The following PDE3B variants were observed in gnomAD, a reference collection of about 807,000 sequenced individuals.
PDE3B encodes the protein phosphodiesterase 3B.
PDE3B carries 66 observed loss-of-function variants against 116.8 expected under a neutral mutation model. The ratio of observed to expected loss-of-function variants is 0.56; its 90% CI spans 0.46 to 0.69. PDE3B has a LOEUF of 0.69. PDE3B is among the 30% of genes least tolerant of loss of function. The probability of loss-of-function intolerance (pLI) is 0.00; values close to 1 mark genes in which losing one functional copy is unlikely to be tolerated. For synonymous variants in PDE3B, 595 were observed against 533.6 expected, an observed-to-expected ratio of 1.12 and a Z score of -1.59; for missense variants, 1,384 against 1,368.1, an observed-to-expected ratio of 1.01 and a Z score of -0.18.
chr11:14,897,890 CT>C, the PDE3B span, among the ~76,000 whole-genome samples: 1 of 152,272 alleles, frequency 6.6e-6, no homozygotes, highest in South Asian at 2.1e-4. Flanking sequence ...GTTTATGCTT[CT>C]TATCACCTAG....
chr11:14,721,855 G>T (rs1394141604), intron 1 of PDE3B, among the ~76,000 whole-genome samples: 6 of 129,190 alleles, frequency 4.6e-5, no homozygotes, highest in Admixed American at 8.1e-5. Context: ...CAGCACACCA[G>T]CATGGCACAT....
chr11:14,881,454 G>A, the PDE3B span, among the ~76,000 whole-genome samples: 1 of 152,022 alleles, frequency 6.6e-6, no homozygotes, highest in South Asian at 2.1e-4. Context: ...AACATCTTCA[G>A]TGCACATATT....
chr11:14,779,336 C>T (rs183320684), intron 2 of PDE3B, among the ~76,000 whole-genome samples: 12 of 152,120 alleles, frequency 7.9e-5, no homozygotes, highest in African/African-American at 2.2e-4. Context: ...AGATACTCCT[C>T]GAGAAGAGCA....
At chr11:14,722,817 A>G (rs970935741) in intron 1 of PDE3B, among the ~76,000 whole-genome samples, 3 of 152,192 alleles carry the variant, frequency 2.0e-5, no homozygotes, top group African/African-American at 7.2e-5. Context: ...TGTTGTTTTA[A>G]GCTGCTTAGT....
At chr11:14,752,922 A>C (rs1857092511) in intron 1 of PDE3B, among the ~76,000 whole-genome samples, 1 of 151,646 alleles carries the variant, frequency 6.6e-6, no homozygotes, top group Non-Finnish European at 1.5e-5. Flanking sequence ...TAAACTATCT[A>C]CTGTTTGCTC....
chr11:14,740,619 T>C (rs1856741469), intron 1 of PDE3B, among the ~76,000 whole-genome samples: 1 of 152,240 alleles, frequency 6.6e-6, no homozygotes, highest in African/African-American at 2.4e-5. Flanking sequence ...TGCTCTGATC[T>C]TAGTTATTTC....
chr11:14,785,974 T>C (rs1024855182), intron 2 of PDE3B, among the ~76,000 whole-genome samples: 1 of 152,114 alleles, frequency 6.6e-6, no homozygotes, highest in South Asian at 2.1e-4. Context: ...ATTACTATCC[T>C]GATTTTACAT....
intron 1 of PDE3B, among the ~76,000 whole-genome samples, chr11:14,672,239 T>G (rs1565085191): frequency 6.6e-6 from 1 of 151,892 alleles, no homozygotes; most frequent in Non-Finnish European, 1.5e-5. Context: ...ATTTTGCACT[T>G]AATGCATTGC....
chr11:14,645,773 G>GT lies in PDE3B; in HGVS notation c.978+730dup, dbSNP rs538476712. Among the ~76,000 whole-genome samples the GT allele has an allele frequency of 3.6e-3, 528 of 145,526 alleles. 1 individual carries two copies. The highest frequency in any genetic ancestry group is 7.0e-3 in the Middle Eastern group (2 of 284). ...TTTCACCATAGGTTTACATATTTTT[G>GT]TTTTTTTTTTAAAAGGGATTGAAAT... is the stretch of plus-strand genomic sequence containing the variant. On this transcript the variant is annotated intron_variant, in intron 1 of 15. Coordinates refer to ENST00000282096, the MANE Select transcript of PDE3B (RefSeq NM_000922.4).
intron 1 of PDE3B, among the ~76,000 whole-genome samples, chr11:14,770,725 G>T (rs1443732038): frequency 6.6e-6 from 1 of 151,570 alleles, no homozygotes; most frequent in Non-Finnish European, 1.5e-5. Flanking sequence ...ATTGTACTGT[G>T]TCTGAATTTT....
intron 2 of PDE3B, among the ~76,000 whole-genome samples, chr11:14,785,604 G>T (rs1475563830): frequency 1.3e-5 from 2 of 151,976 alleles, no homozygotes; most frequent in African/African-American, 4.8e-5. Context: ...CTGATTACTA[G>T]TCCATTTATT....
chr11:14,775,501 C>T (rs1857759478), intron 2 of PDE3B: 2 of 152,128 alleles, frequency 1.3e-5, no homozygotes, highest in African/African-American at 2.4e-5. Flanking sequence ...GTTTCTATAT[C>T]TCTTTTGAAC....
chr11:14,897,407 G>T, the PDE3B span, among the ~76,000 whole-genome samples: 1 of 152,290 alleles, frequency 6.6e-6, no homozygotes, highest in East Asian at 1.9e-4. Context: ...GAGGAAACAA[G>T]AAGAGAGTGA....
At position 14,867,617 on chromosome 11, in the gene PDE3B, T is replaced by C; in HGVS notation, c.2998T>C (p.Cys1000Arg). ...TATCACCCACATAGTGGGTCCCCTGTGTAACTCCTATGATGCTGCTGGTTT... is the reference window on the plus strand; with the variant it reads ...TATCACCCACATAGTGGGTCCCCTGCGTAACTCCTATGATGCTGCTGGTTT... Reference protein sequence around the residue: ...SFITHIVGPLCNSYDAAGLLP... With the variant: ...SFITHIVGPLRNSYDAAGLLP... Residue 1000 changes from cysteine (C) to arginine (R), a missense_variant, in exon 15 of 16, where the codon TGT becomes CGT. Around this residue, in one of 2 missense-constraint regions of PDE3B, gnomAD observed 428 missense variants for 561.4 expected, o/e 0.76. Coordinates refer to ENST00000282096, the MANE Select transcript of PDE3B (RefSeq NM_000922.4). 6.2e-7 allele frequency: 1 copy of C among 1,614,098 alleles called. No homozygotes were observed. Among genetic ancestry groups the C allele is most frequent in the Non-Finnish European group, 8.5e-7 (1 of 1,179,988 alleles).
intron 1 of PDE3B, among the ~76,000 whole-genome samples, chr11:14,666,165 A>G (rs1854138305): frequency 6.7e-6 from 1 of 149,216 alleles, no homozygotes; most frequent in South Asian, 2.1e-4. Context: ...CAAACCTGAG[A>G]AAAACAAGCA....
rs537125346 is a variant in PDE3B at position 14,714,156 on chromosome 11, C to T, written c.979-57781C>T. ...CATTCTGGTTAATCTAACCTGAGAT[C>T]ATTTTTCATTACTCTATCATGCTCC... On this transcript the variant is annotated intron_variant, in intron 1 of 15. Coordinates refer to ENST00000282096, the MANE Select transcript of PDE3B (RefSeq NM_000922.4). Among the ~76,000 whole-genome samples, 355 of 151,960 alleles carry T rather than the reference C, an allele frequency of 2.3e-3. 2 individuals are homozygous for T. The highest frequency in any genetic ancestry group is 8.3e-3 in the African/African-American group (343 of 41,438).
chr11:14,826,896 T>C (rs763564809), intron 7 of PDE3B, among the ~76,000 whole-genome samples: 25 of 152,100 alleles, frequency 1.6e-4, no homozygotes, highest in Non-Finnish European at 4.4e-5. Flanking sequence ...ATATCCTTGA[T>C]GAAAATTGAT....
chr11:14,665,018 A>C (rs1311083759), intron 1 of PDE3B, among the ~76,000 whole-genome samples: 1 of 152,260 alleles, frequency 6.6e-6, no homozygotes, highest in Non-Finnish European at 1.5e-5. Flanking sequence ...AAAATCCTCA[A>C]TAAAATACTG....
At position 14,819,129 on chromosome 11, in the gene PDE3B, C is replaced by G; in HGVS notation, c.1734-7C>G. The G allele has an allele frequency of 6.5e-7, 1 of 1,534,330 alleles. No individual in the cohort carries two copies. Among genetic ancestry groups the G allele is most frequent in the South Asian group, 1.1e-5 (1 of 87,056 alleles). On this transcript the variant is annotated splice_polypyrimidine_tract_variant and splice_region_variant and intron_variant, in intron 6 of 15. Coordinates refer to ENST00000282096, the MANE Select transcript of PDE3B (RefSeq NM_000922.4). ...ACCGTATATATTTATCTATTTTATT[C>G]TATAAGCTGTGGACATCAAATGCTG...
Sources: allele counts gnomAD v4.1 joint callset (sites outside exome capture counted in the v4.1 genomes callset), GRCh38; gene constraint gnomAD v4.1.1; regional missense constraint gnomAD v4.1.1; transcripts MANE v1.5; gene names NCBI Gene and HGNC (gene_info 2026-07-23, HGNC 2026-07-21).